Variants in CLDN16 observed in about 807,000 individuals in gnomAD.
CLDN16 encodes the protein claudin-16.
A neutral mutation model predicts 24.6 loss-of-function variants in CLDN16; 13 were observed. The ratio of observed to expected loss-of-function variants is 0.53; its 90% CI spans 0.34 to 0.84. CLDN16 has a LOEUF of 0.84. Ranked by LOEUF, CLDN16 falls within the 40% of genes least tolerant of loss-of-function variation. The pLI is 0.01. For synonymous variants in CLDN16, 116 were observed against 106.7 expected (o/e 1.09, Z -0.54); for missense variants, 298 against 292.7 (o/e 1.02, Z -0.13).
exon 1 of CLDN16, chr3:190,322,647 G>C (rs544722705): frequency 1.2e-5 from 3 of 255,238 alleles, no homozygotes; most frequent in South Asian, 9.1e-5. Context: ...TTCTCTCGTG[G>C]ATCTTCTCGC....
chr3:190,390,120 G>A (rs1434853323), intron 1 of CLDN16, among the ~76,000 whole-genome samples: 3 of 152,188 alleles, frequency 2.0e-5, no homozygotes, highest in Admixed American at 2.0e-4. Context: ...GGAATGAGCA[G>A]TCCAGGTTAC....
At chr3:190,333,225 A>T (rs1717220452) in intron 1 of CLDN16, among the ~76,000 whole-genome samples, 1 of 152,166 alleles carries the variant, frequency 6.6e-6, no homozygotes, top group Non-Finnish European at 1.5e-5. Context: ...ATTTCATTCT[A>T]TTTTAAATGA....
intron 2 of CLDN16, among the ~76,000 whole-genome samples, chr3:190,372,301 T>C (rs1162108473): frequency 1.3e-5 from 2 of 151,902 alleles, no homozygotes; most frequent in Non-Finnish European, 2.9e-5. Context: ...TGGGGAAATT[T>C]ACTGATGTTC....
the CLDN16 span, among the ~76,000 whole-genome samples, chr3:190,300,705 A>AT: frequency 6.8e-4 from 104 of 151,842 alleles, no homozygotes; most frequent in Middle Eastern, 0.01. Context: ...GCCTTTTCCT[A>AT]TTTTTTTTCT....
chr3:190,343,866 G>A (rs1560083469), intron 1 of CLDN16, among the ~76,000 whole-genome samples: 6 of 152,042 alleles, frequency 3.9e-5, no homozygotes, highest in South Asian at 4.1e-4. Flanking sequence ...AAGTAGCAAC[G>A]TAGGATGAAC....
At chr3:190,384,500 G>A (rs1476589441), upstream of CLDN16, among the ~76,000 whole-genome samples, 1 of 152,130 alleles carries the variant, frequency 6.6e-6, no homozygotes, top group Non-Finnish European at 1.5e-5. Flanking sequence ...TCAACTGATC[G>A]CCAGGTGGCT....
the CLDN16 span, among the ~76,000 whole-genome samples, chr3:190,302,877 C>G: frequency 1.3e-5 from 2 of 150,432 alleles, no homozygotes; most frequent in African/African-American, 4.9e-5. Context: ...GAAAATAAAG[C>G]ACAAGTCAAA....
At chr3:190,368,759 C>T (rs1334059381) in intron 1 of CLDN16, among the ~76,000 whole-genome samples, 1 of 151,932 alleles carries the variant, frequency 6.6e-6, no homozygotes, top group Non-Finnish European at 1.5e-5. Context: ...ACAAAGCTGT[C>T]ATTCTGAAGA....
At chr3:190,405,847 A>C (rs527319950) in intron 3 of CLDN16, among the ~76,000 whole-genome samples, 1 of 152,346 alleles carries the variant, frequency 6.6e-6, no homozygotes, top group East Asian at 1.9e-4. Context: ...TTAGTGAAAC[A>C]GCAAAAATGA....
intron 1 of CLDN16, among the ~76,000 whole-genome samples, chr3:190,333,505 T>C (rs566147055): frequency 1.3e-5 from 2 of 151,336 alleles, no homozygotes; most frequent in East Asian, 2.0e-4. Context: ...TTGAATACTA[T>C]GTAGCTAAAA....
chr3:190,396,644 A>G (rs917516400), intron 1 of CLDN16, among the ~76,000 whole-genome samples: 6 of 152,210 alleles, frequency 3.9e-5, no homozygotes, highest in Non-Finnish European at 5.9e-5. Context: ...CAGGCATTTA[A>G]TAAATATAGT....
chr3:190,341,268 C>T (rs1238979353), intron 1 of CLDN16, among the ~76,000 whole-genome samples: 2 of 152,170 alleles, frequency 1.3e-5, no homozygotes, highest in African/African-American at 2.4e-5. Context: ...TCTATAAGGA[C>T]CCCACCCCTG....
chr3:190,290,962 A>C, the CLDN16 span, among the ~76,000 whole-genome samples: 1 of 152,296 alleles, frequency 6.6e-6, no homozygotes, highest in South Asian at 2.1e-4. Flanking sequence ...TATGAAGAAA[A>C]AAACAAGTAG....
intron 1 of CLDN16, among the ~76,000 whole-genome samples, chr3:190,358,072 T>G (rs994435522): frequency 6.6e-6 from 1 of 151,932 alleles, no homozygotes; most frequent in African/African-American, 2.4e-5. Context: ...CTGGCACGTA[T>G]TGGTGGATAA....
At chr3:190,343,859 T>C (rs1486070030) in intron 1 of CLDN16, among the ~76,000 whole-genome samples, 6 of 151,990 alleles carry the variant, frequency 3.9e-5, no homozygotes, top group Admixed American at 6.6e-5. Flanking sequence ...GGATACAAAG[T>C]AGCAACGTAG....
intron 1 of CLDN16, among the ~76,000 whole-genome samples, chr3:190,391,038 C>T (rs1718645076): frequency 6.6e-6 from 1 of 152,106 alleles, no homozygotes; most frequent in Non-Finnish European, 1.5e-5. Flanking sequence ...CCTCTTGCCT[C>T]GGCCTCCTAA....
chr3:190,300,282 AT>A, the CLDN16 span, among the ~76,000 whole-genome samples: 4 of 150,388 alleles, frequency 2.7e-5, no homozygotes, highest in Admixed American at 2.6e-4. Context: ...CAGAGGGGGC[AT>A]TAGGAAGTGA....
At chr3:190,307,104 T>A in the CLDN16 span, 22,316 of 152,614 alleles carry the variant, frequency 0.15, 1,828 homozygotes, top group African/African-American at 0.21. Flanking sequence ...ACACTACCTC[T>A]TCTAACTGGT....
chr3:190,298,939 A>G, the CLDN16 span, among the ~76,000 whole-genome samples: 1 of 152,186 alleles, frequency 6.6e-6, no homozygotes, highest in East Asian at 1.9e-4. Context: ...ACCCTGATAT[A>G]CATATAAGAG....
Sources: allele counts gnomAD v4.1 joint callset (sites outside exome capture counted in the v4.1 genomes callset), GRCh38; gene constraint gnomAD v4.1.1; transcripts MANE v1.5; gene names NCBI Gene and HGNC (gene_info 2026-07-23, HGNC 2026-07-21).